FLOT1: variants seen among roughly 807,000 people sequenced by gnomAD.
The protein encoded by FLOT1 is flotillin-1.
A neutral mutation model predicts 58.4 loss-of-function variants in FLOT1; 40 were observed. That is an observed-to-expected ratio of 0.69 (90% confidence interval 0.53 to 0.89). The LOEUF (loss-of-function observed/expected upper bound fraction) is 0.89. Among genes scored for constraint, FLOT1 ranks in the 40% least tolerant of loss-of-function variants. FLOT1 has a pLI of 0.00. For missense variants in FLOT1, 423 were observed against 540.8 expected, an observed-to-expected ratio of 0.78 and a Z score of 2.16; for synonymous variants, 178 against 204.2, an observed-to-expected ratio of 0.87 and a Z score of 1.09.
intron 8 of FLOT1, among the ~76,000 whole-genome samples, chr6:30,739,325 CAT>C (rs1260456839): frequency 6.6e-6 from 1 of 152,090 alleles, no homozygotes; most frequent in Non-Finnish European, 1.5e-5. Flanking sequence ...CTGCTCCAAA[CAT>C]ATGATCAGCC....
At chr6:30,735,192 G>C (rs1417273441) in intron 8 of FLOT1, among the ~76,000 whole-genome samples, 1 of 152,082 alleles carries the variant, frequency 6.6e-6, no homozygotes, top group Non-Finnish European at 1.5e-5. Flanking sequence ...GTTGGGGTTG[G>C]CTCTCAGTAT....
chr6:30,741,978 G>C lies in FLOT1; in HGVS notation c.44-111C>G. 1.7e-6 allele frequency: 2 copies of C among 1,212,116 alleles called. No homozygotes were observed. The highest frequency in any genetic ancestry group is 2.5e-5 in the South Asian group (2 of 79,424). The allele number at this position is 1,212,116 out of a possible 1,614,324, so 75.1% of individuals were successfully genotyped here. A position where few individuals can be genotyped will look rare whatever the true frequency, so the allele number is the denominator to read the frequency against. ...CACAGGAGAGAATCTGGGAGCTGGA[G>C]GGGAAGCAGTCTGGGCCTTGGAATG... On this transcript the variant is annotated intron_variant, in intron 2 of 12. Transcript: ENST00000376389. The surrounding 1 kb of genome is among the most constrained non-coding windows in gnomAD (Gnocchi z 5.9).
chr6:30,727,740 C>T lies in FLOT1; in HGVS notation c.*376G>A, dbSNP rs1776829753. 1 of 345,792 alleles carries T rather than the reference C, an allele frequency of 2.9e-6. No individual in the cohort carries two copies. Among genetic ancestry groups the T allele is most frequent in the Middle Eastern group, 8.7e-4 (1 of 1,150 alleles). The allele number at this position is 345,792 out of a possible 1,614,324, so 21.4% of individuals were successfully genotyped here. ...TCCAGTTGCTTCTGTTTTATTAGTA[C>T]TTACTTACAGCAATTTATTTGGGTA... On this transcript the variant is annotated 3_prime_UTR_variant, in exon 13 of 13. Coordinates refer to ENST00000376389, the MANE Select transcript of FLOT1 (RefSeq NM_005803.4).
intron 7 of FLOT1, 76 bp from the exon 8 acceptor site, chr6:30,740,386 A>G: frequency 1.3e-6 from 2 of 1,594,812 alleles, no homozygotes; most frequent in Non-Finnish European, 1.7e-6. Flanking sequence ...CTTCCCACCA[A>G]GGTTCTCTTT....
At chr6:30,728,926 C>A (rs2127759732) in intron 12 of FLOT1, among the ~76,000 whole-genome samples, 2 of 152,100 alleles carry the variant, frequency 1.3e-5, no homozygotes, top group East Asian at 3.9e-4. Context: ...GGACTACAGG[C>A]ACACACCGCC....
intron 12 of FLOT1, among the ~76,000 whole-genome samples, chr6:30,728,623 C>T (rs544989223): frequency 6.6e-6 from 1 of 151,928 alleles, no homozygotes; most frequent in Non-Finnish European, 1.5e-5. Context: ...GTATGCGCCA[C>T]CATACCCAGC....
intron 12 of FLOT1, among the ~76,000 whole-genome samples, chr6:30,728,507 T>C (rs1776906215): frequency 1.3e-5 from 2 of 151,464 alleles, no homozygotes; most frequent in African/African-American, 4.9e-5. Flanking sequence ...TCTCACTCTA[T>C]CACCCAGGCT....
At chr6:30,738,107 C>A (rs1777718818) in intron 8 of FLOT1, among the ~76,000 whole-genome samples, 1 of 152,168 alleles carries the variant, frequency 6.6e-6, no homozygotes, top group Non-Finnish European at 1.5e-5. Flanking sequence ...TCATGGTAAC[C>A]CTTTTCAAAC....
intron 8 of FLOT1, among the ~76,000 whole-genome samples, chr6:30,735,510 T>C (rs1777504720): frequency 6.6e-6 from 1 of 150,668 alleles, no homozygotes; most frequent in Admixed American, 6.6e-5. Flanking sequence ...GTAATCCCAG[T>C]TGAGGATTAC....
At position 30,737,169 on chromosome 6, in the gene FLOT1, C is replaced by T. The variant is rs939258237; in HGVS notation, c.723+2989G>A. 2.0e-5 allele frequency among the ~76,000 whole-genome samples: 3 copies of T among 151,770 alleles called. No homozygotes were observed. Among genetic ancestry groups the T allele is most frequent in the Admixed American group, 6.6e-5 (1 of 15,222 alleles). On this transcript the variant is annotated intron_variant, in intron 8 of 12. Transcript: ENST00000376389. This position sits in a 1 kb window ranked among gnomAD's most constrained non-coding sequence, Gnocchi z 4.4. Reference sequence around the variant, plus strand: ...TGCACTTACTGGTCCCCTGCCTAGCCACAAGCCACGTATGACTGACTGACT... The same window carrying T: ...TGCACTTACTGGTCCCCTGCCTAGCTACAAGCCACGTATGACTGACTGACT...
intron 11 of FLOT1, 63 bp from the exon 12 acceptor site, chr6:30,730,249 T>G: frequency 6.3e-7 from 1 of 1,578,774 alleles, no homozygotes; most frequent in South Asian, 1.1e-5. Context: ...TAAAACAACT[T>G]ACTCTGGGTT....
chr6:30,728,152 A>G lies in FLOT1; in HGVS notation c.1255-7T>C, dbSNP rs1776868521. The G allele has an allele frequency of 4.3e-6, 7 of 1,612,900 alleles. No individual in the cohort carries two copies. Among genetic ancestry groups the G allele is most frequent in the Non-Finnish European group, 5.9e-6 (7 of 1,179,890 alleles). On this transcript the variant is annotated splice_polypyrimidine_tract_variant and splice_region_variant and intron_variant, in intron 12 of 12. Transcript: ENST00000376389. Reference sequence around the variant, plus strand: ...TCAAAGGCTTGTGATTCACCTGGCAAAAAGACAACAGTAGATGACACTTGG... The same window carrying G: ...TCAAAGGCTTGTGATTCACCTGGCAGAAAGACAACAGTAGATGACACTTGG...
At chr6:30,729,623 C>A (rs1777005199) in intron 12 of FLOT1, among the ~76,000 whole-genome samples, 1 of 152,296 alleles carries the variant, frequency 6.6e-6, no homozygotes, top group African/African-American at 2.4e-5. Flanking sequence ...CTACCATGAT[C>A]TACAGGTGAA....
chr6:30,729,775 C>G (rs1777018711), intron 12 of FLOT1, among the ~76,000 whole-genome samples: 4 of 152,210 alleles, frequency 2.6e-5, no homozygotes, highest in Admixed American at 2.6e-4. Flanking sequence ...TCCAGCTGCA[C>G]TAGCAGAATG....
At position 30,741,571 on chromosome 6, in the gene FLOT1, G is replaced by T; in HGVS notation, c.210+43C>A. The T allele has an allele frequency of 6.9e-7, 1 of 1,443,032 alleles. No homozygotes were observed. The allele number at this position is 1,443,032 out of a possible 1,614,324, so 89.4% of individuals were successfully genotyped here. The stretch of plus-strand genomic sequence containing the variant: ...TGTCTTAATGTCTGGGAGAGAGGGT[G>T]ATGGGGAAGTGGACTGTGGGGAAAA... On this transcript the variant is annotated intron_variant, in intron 4 of 12. Coordinates refer to ENST00000376389, the MANE Select transcript of FLOT1 (RefSeq NM_005803.4). The surrounding 1 kb of genome is among the most constrained non-coding windows in gnomAD (Gnocchi z 5.9).
In FLOT1 at chr6:30,742,468, T is replaced by C. The variant is rs1778079304; in HGVS notation, c.-15+59A>G. On this transcript the variant is annotated intron_variant, in intron 1 of 12. Coordinates refer to ENST00000376389, the MANE Select transcript of FLOT1 (RefSeq NM_005803.4). This position sits in a 1 kb window ranked among gnomAD's most constrained non-coding sequence, Gnocchi z 5.2. The stretch of plus-strand genomic sequence containing the variant: ...CCCCGCGCCCAGAGGCCTGCAGACC[T>C]TTCCCCTCTCTCCCTGCTTCTCGGC... 2 of 525,648 alleles carry C rather than the reference T, an allele frequency of 3.8e-6. No individual in the cohort carries two copies. The highest frequency in any genetic ancestry group is 2.3e-5 in the South Asian group (1 of 43,530). The allele number at this position is 525,648 out of a possible 1,614,324, so 32.6% of individuals were successfully genotyped here. A position where few individuals can be genotyped will look rare whatever the true frequency, so the allele number is the denominator to read the frequency against.
chr6:30,734,861 AG>A (rs938360047), intron 8 of FLOT1, among the ~76,000 whole-genome samples: 1 of 152,130 alleles, frequency 6.6e-6, no homozygotes, highest in African/African-American at 2.4e-5. Flanking sequence ...CTGGGATTAC[AG>A]TCACCATTTC....
intron 7 of FLOT1, 54 bp from the exon 8 acceptor site, chr6:30,740,364 G>A: frequency 3.7e-6 from 6 of 1,602,804 alleles, no homozygotes; most frequent in Admixed American, 1.7e-5. Context: ...GAAAGGCCAC[G>A]GTGACAGCCT....
Position 30,741,280 on chromosome 6 carries a change from G to A in FLOT1, c.264C>T (p.Phe88=). The A allele has an allele frequency of 6.8e-6, 11 of 1,613,062 alleles. No homozygotes were observed. The highest frequency in any genetic ancestry group is 1.1e-5 in the South Asian group (1 of 91,088). Residue 88 remains phenylalanine (F), a synonymous_variant, in exon 5 of 13, where the codon TTC becomes TTT. Transcript: ENST00000376389. The surrounding 1 kb of genome is among the most constrained non-coding windows in gnomAD (Gnocchi z 5.9). ...KEMLAAACQM[F]LGKTEAEIAH... ...CAATCTCAGCCTCCGTCTTCCCCAG[G>A]AACATCTGACAGGCGGCCGCCAACA...
Sources: gnomAD v4.1 joint callset for allele counts (sites outside exome capture counted in the v4.1 genomes callset) on GRCh38, gnomAD v4.1.1 for gene constraint, Gnocchi (gnomAD v3.1) non-coding constraint, MANE v1.5 for transcripts, NCBI Gene and HGNC (gene_info 2026-07-23, HGNC 2026-07-21) for gene names.